The following JADE1 variants were observed in gnomAD, a reference collection of about 807,000 sequenced individuals.
JADE1 encodes the protein protein Jade-1.
Under a neutral mutation model 81.8 loss-of-function variants are expected in JADE1, and 14 were observed. The ratio of observed to expected loss-of-function variants is 0.17; its 90% CI spans 0.11 to 0.27. The LOEUF (loss-of-function observed/expected upper bound fraction) is 0.27. Among genes scored for constraint, JADE1 ranks in the 10% least tolerant of loss-of-function variants. The pLI, the probability that JADE1 is intolerant of heterozygous loss-of-function variation, is 1.00. For missense variants in JADE1, 690 were observed against 1,047.9 expected (o/e 0.66, Z 4.71); for synonymous variants, 353 against 391.9 (o/e 0.90, Z 1.17).
At chr4:128,829,703 G>A (rs59682469) in intron 1 of JADE1, among the ~76,000 whole-genome samples, 3,633 of 152,250 alleles carry the variant, frequency 0.024, 117 homozygotes, top group African/African-American at 0.074. Flanking sequence ...AAAAACCCAA[G>A]AAGAGTTAGA....
At chr4:128,843,343 C>T (rs982792138) in intron 3 of JADE1, among the ~76,000 whole-genome samples, 1 of 152,188 alleles carries the variant, frequency 6.6e-6, no homozygotes, top group Non-Finnish European at 1.5e-5. Context: ...GTTGCATCTT[C>T]GCTGGCTCCC....
chr4:128,856,132 A>G (rs1290967743), intron 7 of JADE1, among the ~76,000 whole-genome samples: 1 of 152,184 alleles, frequency 6.6e-6, no homozygotes, highest in East Asian at 1.9e-4. Context: ...CATGGTTTTT[A>G]ATAGCACCTT....
Position 128,861,956 on chromosome 4 carries a change from C to T in JADE1, c.1234C>T (p.Arg412Trp), listed in dbSNP as rs1363055119. The T allele has an allele frequency of 3.7e-6, 6 of 1,614,042 alleles. No individual in the cohort carries two copies. The highest frequency in any genetic ancestry group is 1.6e-4 in the Middle Eastern group (1 of 6,084). ...SLEQNREEAH[R>W]VSVRKQKLQQ... The stretch of plus-strand genomic sequence containing the variant: ...TGAGCAGAACCGGGAGGAGGCCCAC[C>T]GGGTGAGTGTCCGTAAGCAGAAGCT... Residue 412 changes from arginine to tryptophan, a missense_variant, in exon 9 of 11, where the codon CGG (arginine) becomes TGG (tryptophan). By Grantham distance (101) the Arg-to-Trp change is moderately radical. Transcript: ENST00000226319.
chr4:128,838,479 T>C (rs1729159067), intron 2 of JADE1, among the ~76,000 whole-genome samples: 1 of 152,226 alleles, frequency 6.6e-6, no homozygotes, highest in Non-Finnish European at 1.5e-5. Context: ...TTACTCGTCA[T>C]GTGCTTAAAT....
In JADE1 at chr4:128,875,056, A is replaced by T. The variant is rs1416900948; in HGVS notation, c.*2794A>T. On this transcript the variant is annotated 3_prime_UTR_variant, in exon 11 of 11. Transcript: ENST00000226319. ...TTAAAAATCAAATTAAAGTATATGTAGAGATGACTATTTTATATTACATGA... is the reference window on the plus strand; with the variant it reads ...TTAAAAATCAAATTAAAGTATATGTTGAGATGACTATTTTATATTACATGA... 3 of 151,994 alleles carry T rather than the reference A, an allele frequency of 2.0e-5. No homozygotes were observed. The highest frequency in any genetic ancestry group is 4.4e-5 in the Non-Finnish European group (3 of 67,922). 9.4% of individuals were successfully genotyped at this position (151,994 alleles called of 1,614,324 possible).
At chr4:128,835,295 T>C (rs1259411701) in intron 2 of JADE1, among the ~76,000 whole-genome samples, 1 of 152,190 alleles carries the variant, frequency 6.6e-6, no homozygotes, top group Non-Finnish European at 1.5e-5. Flanking sequence ...CCACGCTCAA[T>C]GATTTGATAA....
intron 5 of JADE1, among the ~76,000 whole-genome samples, chr4:128,851,666 GTTGA>G (rs960097997): frequency 2.0e-5 from 3 of 152,228 alleles, no homozygotes; most frequent in South Asian, 2.1e-4. Flanking sequence ...GCATCGATGG[GTTGA>G]TTGATTGATA....
At chr4:128,852,561 C>G (rs1730444725) in intron 6 of JADE1, among the ~76,000 whole-genome samples, 1 of 151,810 alleles carries the variant, frequency 6.6e-6, no homozygotes, top group Non-Finnish European at 1.5e-5. Flanking sequence ...TGTATGAGCC[C>G]CCTCTGTCCT....
rs754748581 is a variant in JADE1, at chr4:128,862,156, C to G, written c.1434C>G (p.Ala478=). 2 of 1,614,174 alleles carry G rather than the reference C, an allele frequency of 1.2e-6. No homozygotes were observed. Among genetic ancestry groups the G allele is most frequent in the Admixed American group, 1.7e-5 (1 of 60,014 alleles). The change falls in exon 9 of 11, where the codon GCC becomes GCG. Residue 478 remains alanine, a synonymous_variant. Transcript: ENST00000226319. The stretch of plus-strand genomic sequence containing the variant: ...AGAAAGATGAAGAGGACAATCTAGC[C>G]AAGCGGGAGCAGGATGTCTTATTTA... ...TPKKDEEDNL[A]KREQDVLFRR...
Position 128,831,768 on chromosome 4 carries a change from G to C in JADE1, c.10G>C (p.Gly4Arg), listed in dbSNP as rs2058332723. 1.9e-6 allele frequency: 3 copies of C among 1,614,140 alleles called. No individual in the cohort carries two copies. Among genetic ancestry groups the C allele is most frequent in the Non-Finnish European group, 2.5e-6 (3 of 1,180,022 alleles). Reference protein sequence around the residue: MKRGRLPSSSEDSD... With the variant: MKRRRLPSSSEDSD... ...GTTTCCCGGGGAGATCATGAAACGA[G>C]GTCGCCTTCCCAGCAGCAGTGAGGA... The change falls in exon 2 of 11, where the codon GGT (glycine) becomes CGT (arginine). Residue 4 changes from glycine to arginine, a missense_variant. Coordinates refer to ENST00000226319, the MANE Select transcript of JADE1 (RefSeq NM_199320.4).
At chr4:128,822,026 T>A (rs1727621500) in intron 1 of JADE1, among the ~76,000 whole-genome samples, 3 of 152,246 alleles carry the variant, frequency 2.0e-5, no homozygotes, top group Admixed American at 2.0e-4. Context: ...TTTTTTCTTC[T>A]GCACCTTTGC....
intron 9 of JADE1, among the ~76,000 whole-genome samples, chr4:128,865,169 C>A (rs994148745): frequency 6.6e-6 from 1 of 152,182 alleles, no homozygotes; most frequent in Admixed American, 6.5e-5. Flanking sequence ...GTCCCCTGAA[C>A]AAAAGGCACG....
chr4:128,833,758 A>T (rs761494811), intron 2 of JADE1, among the ~76,000 whole-genome samples: 82 of 152,312 alleles, frequency 5.4e-4, no homozygotes, highest in Non-Finnish European at 7.3e-5. Flanking sequence ...TTACCTCCAT[A>T]TAAAGATAAT....
chr4:128,816,982 C>T (rs1398716491), intron 1 of JADE1, among the ~76,000 whole-genome samples: 2 of 151,534 alleles, frequency 1.3e-5, no homozygotes, highest in African/African-American at 2.4e-5. Context: ...AGTCAGCCTC[C>T]GGAGTAGCTG....
rs1730789129 is a variant in JADE1 at position 128,856,290 on chromosome 4, CATCTT to C, written c.864+494_864+498del. Among the ~76,000 whole-genome samples, 3 of 152,316 alleles carry C rather than the reference CATCTT, an allele frequency of 2.0e-5. No homozygotes were observed. The South Asian group carries it at 6.2e-4, about 32-fold the overall frequency. ...AAAAACTGAATCTTAAGCACACTCT[CATCTT>C]GTCATGGAATGTAGATTCATGGAAA... On this transcript the variant is annotated intron_variant, in intron 7 of 10. Coordinates refer to ENST00000226319, the MANE Select transcript of JADE1 (RefSeq NM_199320.4).
chr4:128,835,503 C>T (rs559792843), intron 2 of JADE1, among the ~76,000 whole-genome samples: 5 of 152,262 alleles, frequency 3.3e-5, no homozygotes, highest in Admixed American at 2.0e-4. Context: ...GGGTGGCCTG[C>T]GTCATGGGGT....
chr4:128,832,203 G>T (rs570238532), intron 2 of JADE1, among the ~76,000 whole-genome samples: 1 of 152,370 alleles, frequency 6.6e-6, no homozygotes, highest in South Asian at 2.1e-4. Context: ...AGACTGCCTA[G>T]TGTGATGTGA....
chr4:128,867,705 G>T (rs1454050671), intron 9 of JADE1, 151 bp from the exon 10 acceptor site: 2 of 495,548 alleles, frequency 4.0e-6, no homozygotes, highest in South Asian at 3.3e-5. Flanking sequence ...GGAGATCAGA[G>T]ATTGGATAAA....
At chr4:128,866,958 A>G (rs1012264450) in intron 9 of JADE1, among the ~76,000 whole-genome samples, 2 of 152,184 alleles carry the variant, frequency 1.3e-5, no homozygotes, top group Non-Finnish European at 2.9e-5. Context: ...TTTAGAGACT[A>G]ATTCTTTAAG....
Sources: gnomAD v4.1 joint callset for allele counts (sites outside exome capture counted in the v4.1 genomes callset) on GRCh38, gnomAD v4.1.1 for gene constraint, MANE v1.5 for transcripts, NCBI Gene and HGNC (gene_info 2026-07-23, HGNC 2026-07-21) for gene names.